SLC6A9: variants seen among roughly 807,000 people sequenced by gnomAD.
The protein encoded by SLC6A9 is sodium- and chloride-dependent glycine transporter 1.
Under a neutral mutation model 70.9 loss-of-function variants are expected in SLC6A9, and 31 were observed. That is an observed-to-expected ratio of 0.44 (90% CI 0.33 to 0.59). The LOEUF is 0.59. SLC6A9 is among the 20% of genes least tolerant of loss of function. The probability of loss-of-function intolerance (pLI) is 0.04; values close to 1 mark genes in which losing one functional copy is unlikely to be tolerated. For missense variants in SLC6A9, 631 were observed against 845.2 expected (o/e 0.75, Z 3.14); for synonymous variants, 310 against 341.3 (o/e 0.91, Z 1.01).
chr1:44,015,964 TCA>T (rs779466978), intron 2 of SLC6A9: 94 of 653,018 alleles, frequency 1.4e-4, no homozygotes, highest in Non-Finnish European at 1.7e-4. Flanking sequence ...CCAGGTGCCT[TCA>T]GAGTCCAGGC....
chr1:44,015,088 C>T (rs1209446395), intron 2 of SLC6A9, among the ~76,000 whole-genome samples: 7 of 152,164 alleles, frequency 4.6e-5, no homozygotes, highest in African/African-American at 1.7e-4. Context: ...AACAATTTTG[C>T]CCTTTTTTTT....
In SLC6A9 at chr1:44,001,644, C is replaced by G; in HGVS notation, c.963-17G>C. The stretch of plus-strand genomic sequence containing the variant: ...ACACTGTCCCTGATGGGGAGGAAAA[C>G]AGAGTTCAGCTTCCCTCTCCCCAAT... On this transcript the variant is annotated splice_polypyrimidine_tract_variant and intron_variant, in intron 8 of 13. Transcript: ENST00000372310. The G allele has an allele frequency of 1.3e-6, 2 of 1,586,264 alleles. No homozygotes were observed. The highest frequency in any genetic ancestry group is 1.1e-5 in the South Asian group (1 of 88,578).
rs755321679 is a variant in SLC6A9 at position 44,001,485 on chromosome 1, C to T, written c.1105G>A (p.Val369Met). The T allele has an allele frequency of 3.7e-6, 6 of 1,614,092 alleles. No homozygotes were observed. The highest frequency in any genetic ancestry group is 2.7e-5 in the African/African-American group (2 of 74,946). Residue 369 changes from valine (V) to methionine (M), a missense_variant, in exon 9 of 14, where the codon GTG becomes ATG. Val to Met is a conservative substitution (Grantham distance 21). Transcript: ENST00000372310. Reference protein sequence around the residue: ...VADHGPGLAFVAYPEALTLLP... With the variant: ...VADHGPGLAFMAYPEALTLLP... ...AGTGTGAGGGCCTCGGGGTAAGCCA[C>T]GAAGGCCAGGCCAGGGCCGTGGTCT...
In SLC6A9 at chr1:44,001,547, A is replaced by G; in HGVS notation, c.1043T>C (p.Met348Thr). The change falls in exon 9 of 14, where the codon ATG becomes ACG. Residue 348 changes from methionine (M) to threonine (T), a missense_variant. Coordinates refer to ENST00000372310, the MANE Select transcript of SLC6A9 (RefSeq NM_001024845.3). ...GFVIFSILGF[M>T]ANHLGVDVSR... ...CACATCCACGCCCAGGTGATTGGCC[A>G]TGAAGCCGAGGATGGAGAAGATGAC... 1.9e-6 allele frequency: 3 copies of G among 1,614,272 alleles called. No homozygotes were observed. The highest frequency in any genetic ancestry group is 2.5e-6 in the Non-Finnish European group (3 of 1,180,038).
At chr1:44,031,170 A>G (rs1235353830) in intron 1 of SLC6A9, 136 bp downstream of exon 1, 1 of 84,086 alleles carries the variant, frequency 1.2e-5, no homozygotes, top group Non-Finnish European at 3.0e-5. Flanking sequence ...GCGCGATCAC[A>G]CACACACACA....
intron 2 of SLC6A9, chr1:44,017,157 C>A: frequency 1.9e-6 from 3 of 1,604,502 alleles, no homozygotes; most frequent in East Asian, 2.3e-5. Flanking sequence ...AGCTCCAGCG[C>A]GACACTGACG....
chr1:44,021,097 A>G (rs1422765139), intron 2 of SLC6A9, among the ~76,000 whole-genome samples: 2 of 152,120 alleles, frequency 1.3e-5, no homozygotes, highest in Non-Finnish European at 2.9e-5. Flanking sequence ...AAACTGAGCT[A>G]GTGGGGGCTC....
At chr1:44,028,773 AAAAG>A (rs1237442942) in intron 1 of SLC6A9, among the ~76,000 whole-genome samples, 35 of 151,034 alleles carry the variant, frequency 2.3e-4, no homozygotes, top group Middle Eastern at 3.4e-3. Context: ...AGAAAAAGAA[AAAAG>A]AAAGAGAGAG....
rs543582703 is a variant in SLC6A9, at chr1:44,007,086, T to A, written c.590+1267A>T. 2.3e-3 allele frequency among the ~76,000 whole-genome samples: 343 copies of A among 152,322 alleles called. 1 individual carries two copies. The highest frequency in any genetic ancestry group is 8.1e-3 in the African/African-American group (337 of 41,574). On this transcript the variant is annotated intron_variant, in intron 5 of 13. Coordinates refer to ENST00000372310, the MANE Select transcript of SLC6A9 (RefSeq NM_001024845.3). ...CCAACCCCAGCTCCAGTTTGCCTCC[T>A]TCTGGCCTCTGCTCACCTGCTCATG...
At position 43,996,865 on chromosome 1, in the gene SLC6A9, T is replaced by G. The variant is rs1419715062; in HGVS notation, c.*680A>C. Reference sequence around the variant, plus strand: ...ACCCCATCCCCCAGAAACAAATGCTTTGGGCAGGCTGCTGGGTCACGGGCC... The same window carrying G: ...ACCCCATCCCCCAGAAACAAATGCTGTGGGCAGGCTGCTGGGTCACGGGCC... On this transcript the variant is annotated 3_prime_UTR_variant, in exon 14 of 14. Transcript: ENST00000372310. 1 of 152,902 alleles carries G rather than the reference T, an allele frequency of 6.5e-6. No homozygotes were observed. Among genetic ancestry groups the G allele is most frequent in the Non-Finnish European group, 1.5e-5 (1 of 68,390 alleles). 9.5% of individuals were successfully genotyped at this position (152,902 alleles called of 1,614,324 possible). A position where few individuals can be genotyped will look rare whatever the true frequency, so the allele number is the denominator to read the frequency against.
At chr1:43,998,137 T>C (rs2085946610) in intron 12 of SLC6A9, 112 bp from the exon 13 acceptor site, 4 of 1,044,986 alleles carry the variant, frequency 3.8e-6, no homozygotes, top group African/African-American at 1.6e-5. Context: ...GAAAAGGGCA[T>C]TTGGGGCAGA....
intron 2 of SLC6A9, among the ~76,000 whole-genome samples, chr1:44,023,385 G>A (rs930992446): frequency 1.3e-5 from 2 of 152,132 alleles, no homozygotes; most frequent in Admixed American, 6.5e-5. Context: ...GCTCACACCT[G>A]TAATCTCAGC....
At chr1:44,014,569 C>A (rs567699302) in intron 2 of SLC6A9, 1 of 152,110 alleles carries the variant, frequency 6.6e-6, no homozygotes, top group African/African-American at 2.4e-5. Context: ...AACAGCCTCC[C>A]ACCCCTTCCC....
At chr1:44,030,184 G>A (rs993745078) in intron 1 of SLC6A9, among the ~76,000 whole-genome samples, 1 of 152,126 alleles carries the variant, frequency 6.6e-6, no homozygotes, top group Non-Finnish European at 1.5e-5. Flanking sequence ...CAGCGGCACC[G>A]CCCGCAGCGT....
rs1212349790 is a variant in SLC6A9, at chr1:44,022,706, CTTTCTTTCTTTCTTTCTTTTT to C, written c.30+1521_30+1541del. On this transcript the variant is annotated intron_variant, in intron 2 of 13. Coordinates refer to ENST00000372310, the MANE Select transcript of SLC6A9 (RefSeq NM_001024845.3). ...AACTGCTGTTTTTTAATTTTTCTTT[CTTTCTTTCTTTCTTTCTTTTT>C]TTTTTTTTTGAGACAGAGCCCTGCT... Among the ~76,000 whole-genome samples the C allele has an allele frequency of 2.5e-3, 203 of 80,584 alleles. 5 individuals are homozygous for C. The African/African-American group carries it at 0.026, about 10-fold the overall frequency. 52.9% of individuals were successfully genotyped at this position (80,584 alleles called of 152,430 possible). A position where few individuals can be genotyped will look rare whatever the true frequency, so the allele number is the denominator to read the frequency against.
At chr1:44,005,756 G>A (rs2086284937) in intron 5 of SLC6A9, among the ~76,000 whole-genome samples, 1 of 152,180 alleles carries the variant, frequency 6.6e-6, no homozygotes, top group African/African-American at 2.4e-5. Context: ...TCAACAATAA[G>A]GGTGCTTCCT....
At chr1:44,023,397 C>T (rs755896954) in intron 2 of SLC6A9, among the ~76,000 whole-genome samples, 2 of 152,154 alleles carry the variant, frequency 1.3e-5, no homozygotes, top group African/African-American at 4.8e-5. Context: ...AATCTCAGCA[C>T]TTTGGAAGGC....
At chr1:44,016,765 C>A (rs1416374306) in intron 2 of SLC6A9, among the ~76,000 whole-genome samples, 1 of 152,180 alleles carries the variant, frequency 6.6e-6, no homozygotes, top group Non-Finnish European at 1.5e-5. Context: ...TAGGACAATG[C>A]AGCTTTGATA....
Position 44,010,730 on chromosome 1 carries a change from C to A in SLC6A9, c.183G>T (p.Gly61=), listed in dbSNP as rs200759115. The A allele has an allele frequency of 6.2e-7, 1 of 1,614,128 alleles. No individual in the cohort carries two copies. Among genetic ancestry groups the A allele is most frequent in the Non-Finnish European group, 8.5e-7 (1 of 1,179,950 alleles). ...WRFPYLCYRN[G]GGAFMFPYFI... ...TGCCCTGTGCCCACTGGGTACCTCC[C>A]CCGTTGCGATAGCAGAGGTATGGGA... Residue 61 remains glycine (G), a synonymous_variant, in exon 3 of 14, where the codon GGG becomes GGT. Transcript: ENST00000372310.
Sources: gnomAD v4.1 joint callset for allele counts (sites outside exome capture counted in the v4.1 genomes callset) on GRCh38, gnomAD v4.1.1 for gene constraint, MANE v1.5 for transcripts, NCBI Gene and HGNC (gene_info 2026-07-23, HGNC 2026-07-21) for gene names.